CDYL2: variants seen among roughly 807,000 people sequenced by gnomAD.
The protein encoded by CDYL2 is chromodomain Y-like protein 2.
In CDYL2, 23 loss-of-function variants were observed where a neutral mutation model predicts 49.4. The ratio of observed to expected loss-of-function variants is 0.47; its 90% CI spans 0.34 to 0.66. CDYL2 has a LOEUF of 0.66. Ranked by LOEUF, CDYL2 falls within the 30% of genes least tolerant of loss-of-function variation. The probability of loss-of-function intolerance (pLI) is 0.01; values close to 1 mark genes in which losing one functional copy is unlikely to be tolerated. For synonymous variants in CDYL2, 360 were observed against 268.8 expected (o/e 1.34, Z -3.32); for missense variants, 678 against 656.4 (o/e 1.03, Z -0.36).
chr16:80,659,351 T>C (rs1908947076), intron 2 of CDYL2, among the ~76,000 whole-genome samples: 2 of 152,200 alleles, frequency 1.3e-5, no homozygotes. Context: ...GACTGTATTC[T>C]ATATTGGAAG....
intron 1 of CDYL2, among the ~76,000 whole-genome samples, chr16:80,758,993 G>C (rs867888273): frequency 6.6e-6 from 1 of 150,454 alleles, no homozygotes; most frequent in African/African-American, 2.4e-5. Context: ...TCTGACCCAG[G>C]AAAATATTTG....
chr16:80,788,667 G>C (rs547145055), intron 1 of CDYL2, among the ~76,000 whole-genome samples: 7 of 152,316 alleles, frequency 4.6e-5, no homozygotes, highest in Non-Finnish European at 7.4e-5. Flanking sequence ...AGGCACCTAG[G>C]ATGACTGGCT....
At chr16:80,762,741 C>A (rs1906575219) in intron 1 of CDYL2, among the ~76,000 whole-genome samples, 3 of 152,110 alleles carry the variant, frequency 2.0e-5, no homozygotes, top group Admixed American at 2.0e-4. Flanking sequence ...TTGCAAGTGT[C>A]CAGCTGAGGT....
chr16:80,736,081 G>C (rs1424436611), intron 1 of CDYL2, among the ~76,000 whole-genome samples: 1 of 152,192 alleles, frequency 6.6e-6, no homozygotes, highest in African/African-American at 2.4e-5. Context: ...GTGACCTTGA[G>C]ACTGTGGAAC....
chr16:80,715,239 G>C (rs1173224197), intron 1 of CDYL2, among the ~76,000 whole-genome samples: 1 of 152,152 alleles, frequency 6.6e-6, no homozygotes, highest in African/African-American at 2.4e-5. Context: ...GGGCTCCACA[G>C]CACATGATAC....
At chr16:80,664,894 G>A (rs75902762) in intron 2 of CDYL2, among the ~76,000 whole-genome samples, 3,813 of 152,252 alleles carry the variant, frequency 0.025, 173 homozygotes, top group African/African-American at 0.088. Context: ...CTAGCAAGAG[G>A]GTTTGGCTTA....
At chr16:80,713,338 C>G (rs1307448604) in intron 1 of CDYL2, among the ~76,000 whole-genome samples, 1 of 152,218 alleles carries the variant, frequency 6.6e-6, no homozygotes, top group Non-Finnish European at 1.5e-5. Flanking sequence ...ATTCAAGAGA[C>G]TCAATCAGAT....
intron 1 of CDYL2, among the ~76,000 whole-genome samples, chr16:80,781,533 G>C (rs1450396744): frequency 1.3e-5 from 2 of 152,064 alleles, no homozygotes; most frequent in African/African-American, 2.4e-5. Context: ...AAACCTATTA[G>C]ACCTAACAGA....
intron 3 of CDYL2, among the ~76,000 whole-genome samples, chr16:80,623,452 A>C (rs921963975): frequency 1.2e-4 from 18 of 150,576 alleles, no homozygotes; most frequent in African/African-American, 4.4e-4. Context: ...GGAACAGGTC[A>C]GCTTCTGCCC....
intron 1 of CDYL2, among the ~76,000 whole-genome samples, chr16:80,694,476 G>T (rs1352932948): frequency 5.7e-5 from 7 of 123,284 alleles, no homozygotes. Context: ...TGAAAGCCAG[G>T]TTTCTCACTG....
In CDYL2 at chr16:80,774,295, C is replaced by T. The variant is rs1224954652; in HGVS notation, c.24+29855G>A. On this transcript the variant is annotated intron_variant, in intron 1 of 6. Coordinates refer to ENST00000570137, the MANE Select transcript of CDYL2 (RefSeq NM_152342.4). ...GAGAACATTATGCTAATAAGCCAGG[C>T]GCTGAAAGACAAATGCTATGCGATC... Among the ~76,000 whole-genome samples, 4 of 151,034 alleles carry T rather than the reference C, an allele frequency of 2.6e-5. No individual in the cohort carries two copies. In the Admixed American group the frequency reaches 2.7e-4, roughly 10 times the overall value.
At chr16:80,790,483 CTCTT>C (rs1308246413) in intron 1 of CDYL2, among the ~76,000 whole-genome samples, 1 of 152,192 alleles carries the variant, frequency 6.6e-6, no homozygotes, top group African/African-American at 2.4e-5. Flanking sequence ...GGCTCCCTTC[CTCTT>C]TCTATTAAAT....
intron 1 of CDYL2, among the ~76,000 whole-genome samples, chr16:80,724,260 G>C (rs1390506377): frequency 6.6e-6 from 1 of 150,710 alleles, no homozygotes; most frequent in African/African-American, 2.4e-5. Flanking sequence ...TGAGGAGAAA[G>C]AGGAAGAGGA....
At chr16:80,733,317 G>T (rs1905398779) in intron 1 of CDYL2, among the ~76,000 whole-genome samples, 1 of 152,230 alleles carries the variant, frequency 6.6e-6, no homozygotes, top group Non-Finnish European at 1.5e-5. Flanking sequence ...CTGGGGAGCG[G>T]TCAGGGATGG....
At chr16:80,682,404 G>A (rs1273778796) in intron 2 of CDYL2, among the ~76,000 whole-genome samples, 1 of 152,132 alleles carries the variant, frequency 6.6e-6, no homozygotes, top group Non-Finnish European at 1.5e-5. Flanking sequence ...TGCTTGTGGG[G>A]TACCATGCCT....
chr16:80,660,582 T>C (rs1909000994), intron 2 of CDYL2, among the ~76,000 whole-genome samples: 1 of 151,970 alleles, frequency 6.6e-6, no homozygotes, highest in Admixed American at 6.6e-5. Context: ...CAAGAATGGG[T>C]AAAAATAAAA....
chr16:80,710,889 T>C (rs1385878957), intron 1 of CDYL2, among the ~76,000 whole-genome samples: 2 of 152,250 alleles, frequency 1.3e-5, no homozygotes, highest in East Asian at 3.8e-4. Context: ...CAGCACAGTA[T>C]TTATTTCGAG....
At chr16:80,789,713 G>A (rs1464350153) in intron 1 of CDYL2, among the ~76,000 whole-genome samples, 2 of 152,050 alleles carry the variant, frequency 1.3e-5, no homozygotes, top group Non-Finnish European at 2.9e-5. Flanking sequence ...AATGTCCATG[G>A]AATATCATGC....
chr16:80,780,822 C>T (rs1238809272), intron 1 of CDYL2, among the ~76,000 whole-genome samples: 1 of 152,066 alleles, frequency 6.6e-6, no homozygotes, highest in Non-Finnish European at 1.5e-5. Flanking sequence ...CTAAGGATCT[C>T]CAAAAATTCT....
Sources: allele counts gnomAD v4.1 joint callset (sites outside exome capture counted in the v4.1 genomes callset), GRCh38; gene constraint gnomAD v4.1.1; transcripts MANE v1.5; gene names NCBI Gene and HGNC (gene_info 2026-07-23, HGNC 2026-07-21).